RAI14: variants seen among roughly 807,000 people sequenced by gnomAD.
The protein encoded by RAI14 is ankycorbin.
In RAI14, 45 loss-of-function variants were observed where a neutral mutation model predicts 115.4. That is an observed-to-expected ratio of 0.39 (90% CI 0.31 to 0.50). The LOEUF (loss-of-function observed/expected upper bound fraction) is 0.50, where lower values mean the gene tolerates loss of function less well. Ranked by LOEUF, RAI14 falls within the 20% of genes least tolerant of loss-of-function variation. The pLI is 0.85. For synonymous variants in RAI14, 371 were observed against 415.4 expected (o/e 0.89, Z 1.30); for missense variants, 939 against 1,131.2 (o/e 0.83, Z 2.44).
chr5:34,787,366 A>C (rs1752420824), intron 3 of RAI14, among the ~76,000 whole-genome samples: 1 of 152,260 alleles, frequency 6.6e-6, no homozygotes, highest in South Asian at 2.1e-4. Flanking sequence ...CAGACAATGA[A>C]TAGATAAACA....
rs368766005 is a variant in RAI14 at position 34,824,437 on chromosome 5, A to T, written c.2595A>T (p.Glu865Asp). The change falls in exon 15 of 18, where the codon GAA (glutamate) becomes GAT (aspartate). Residue 865 changes from glutamate to aspartate, a missense_variant. Glu to Asp is a conservative substitution (Grantham distance 45). Transcript: ENST00000265109. The stretch of plus-strand genomic sequence containing the variant: ...AGCAAGCTCAGGAAGAACTTGCAGA[A>T]ATGAAAAGATACGCTGAGAGCTCTT... ...KFQQAQEELAEMKRYAESSSK... is the reference protein window; with the variant it reads ...KFQQAQEELADMKRYAESSSK... 1 of 1,604,212 alleles carries T rather than the reference A, an allele frequency of 6.2e-7. No homozygotes were observed. Among genetic ancestry groups the T allele is most frequent in the Non-Finnish European group, 8.5e-7 (1 of 1,173,448 alleles).
intron 2 of RAI14, among the ~76,000 whole-genome samples, chr5:34,739,510 G>C (rs1032967647): frequency 6.6e-6 from 1 of 152,184 alleles, no homozygotes; most frequent in African/African-American, 2.4e-5. Flanking sequence ...GAGGTGTCAA[G>C]ATGAAACTGT....
At chr5:34,790,069 C>T (rs1752742166) in intron 3 of RAI14, among the ~76,000 whole-genome samples, 1 of 152,222 alleles carries the variant, frequency 6.6e-6, no homozygotes, top group South Asian at 2.1e-4. Context: ...GAAGTTAAAA[C>T]ATTAAGACTT....
chr5:34,725,651 G>A (rs1321213874), intron 2 of RAI14, among the ~76,000 whole-genome samples: 6 of 151,868 alleles, frequency 4.0e-5, no homozygotes, highest in East Asian at 1.9e-4. Context: ...ATACGTCACC[G>A]ATAACCAAGT....
At chr5:34,770,398 A>G (rs1750000044) in intron 3 of RAI14, among the ~76,000 whole-genome samples, 1 of 152,252 alleles carries the variant, frequency 6.6e-6, no homozygotes, top group African/African-American at 2.4e-5. Flanking sequence ...CTAAAGATTT[A>G]CATGACCTAA....
intron 1 of RAI14, among the ~76,000 whole-genome samples, chr5:34,678,896 TAAC>T (rs1209343388): frequency 6.6e-6 from 1 of 152,200 alleles, no homozygotes; most frequent in African/African-American, 2.4e-5. Context: ...ACACAGAATC[TAAC>T]ACCACTTATT....
At chr5:34,768,729 C>T (rs561209802) in intron 3 of RAI14, among the ~76,000 whole-genome samples, 2 of 152,264 alleles carry the variant, frequency 1.3e-5, no homozygotes, top group South Asian at 4.2e-4. Flanking sequence ...TGATTCACAC[C>T]TGTAATCCCA....
chr5:34,821,767 G>T lies in RAI14; in HGVS notation c.1030G>T (p.Asp344Tyr). ...DSLLDISSEA[D>Y]QQDLLSLLQA... Reference sequence around the variant, plus strand: ...CTTATTGGATATAAGTTCTGAAGCTGACCAACAAGATCTTCTCTCTCTATT... The same window carrying T: ...CTTATTGGATATAAGTTCTGAAGCTTACCAACAAGATCTTCTCTCTCTATT... The change falls in exon 14 of 18, where the codon GAC (aspartate) becomes TAC (tyrosine). Residue 344 changes from aspartate (D) to tyrosine (Y), a missense_variant. By Grantham distance (160) the Asp-to-Tyr change is radical (BLOSUM62 -3). Coordinates refer to ENST00000265109, the MANE Select transcript of RAI14 (RefSeq NM_015577.3). The T allele has an allele frequency of 6.2e-7, 1 of 1,612,148 alleles. No homozygotes were observed. Among genetic ancestry groups the T allele is most frequent in the South Asian group, 1.1e-5 (1 of 90,990 alleles).
intron 3 of RAI14, among the ~76,000 whole-genome samples, chr5:34,766,948 G>A (rs143575832): frequency 5.9e-4 from 90 of 152,200 alleles, no homozygotes; most frequent in African/African-American, 2.1e-3. Context: ...AGATCTGATG[G>A]TTTTAGTAGG....
chr5:34,670,501 A>C (rs2029900), intron 1 of RAI14, among the ~76,000 whole-genome samples: 7,311 of 152,314 alleles, frequency 0.048, 382 homozygotes, highest in African/African-American at 0.13. Context: ...GTAATCTTTA[A>C]GGATAGCTAT....
intron 1 of RAI14, chr5:34,658,915 A>G (rs898474052): frequency 6.6e-6 from 1 of 152,076 alleles, no homozygotes; most frequent in African/African-American, 2.4e-5. Flanking sequence ...TTCATATTTG[A>G]TCCATACCTC....
chr5:34,826,631 G>A, intron 16 of RAI14, 152 bp downstream of exon 16: 1 of 1,004,060 alleles, frequency 1.0e-6, no homozygotes, highest in East Asian at 2.7e-5. Context: ...TCTTCAGTGA[G>A]GGCAAAAGAG....
chr5:34,688,306 C>G (rs930408105), intron 2 of RAI14: 1 of 1,443,984 alleles, frequency 6.9e-7, no homozygotes, highest in Non-Finnish European at 9.5e-7. Context: ...AATTTTGTGA[C>G]CAGGTTAACA....
intron 3 of RAI14, among the ~76,000 whole-genome samples, chr5:34,786,790 G>A (rs970501061): frequency 6.6e-6 from 1 of 152,186 alleles, no homozygotes; most frequent in African/African-American, 2.4e-5. Flanking sequence ...AGCAGTGCTA[G>A]AGGACTTAAA....
intron 16 of RAI14, among the ~76,000 whole-genome samples, chr5:34,828,766 T>C (rs1034043218): frequency 2.0e-5 from 3 of 151,944 alleles, no homozygotes; most frequent in Admixed American, 6.6e-5. Flanking sequence ...CAAGGAGAAA[T>C]AGAAGCATCA....
chr5:34,828,490 G>A (rs11745175), intron 16 of RAI14, among the ~76,000 whole-genome samples: 64,336 of 146,186 alleles, frequency 0.44, 15,541 homozygotes, highest in South Asian at 0.62. Context: ...GAACAACACA[G>A]AGAAATGCCA....
intron 3 of RAI14, among the ~76,000 whole-genome samples, chr5:34,761,070 C>T (rs1288817458): frequency 1.3e-5 from 2 of 152,254 alleles, no homozygotes; most frequent in Non-Finnish European, 2.9e-5. Flanking sequence ...GTCAGTACTT[C>T]ATTCTATTCT....
At chr5:34,667,619 G>T (rs139846443) in intron 1 of RAI14, among the ~76,000 whole-genome samples, 2 of 151,926 alleles carry the variant, frequency 1.3e-5, no homozygotes, top group Non-Finnish European at 2.9e-5. Context: ...AGCCAATAAC[G>T]GTATATTTAC....
intron 3 of RAI14, among the ~76,000 whole-genome samples, chr5:34,786,567 A>G (rs556228072): frequency 6.6e-6 from 1 of 152,324 alleles, no homozygotes; most frequent in South Asian, 2.1e-4. Context: ...CCAAGGTGGA[A>G]CGAACCAGAG....
Sources: gnomAD v4.1 joint callset for allele counts (sites outside exome capture counted in the v4.1 genomes callset) on GRCh38, gnomAD v4.1.1 for gene constraint, MANE v1.5 for transcripts, NCBI Gene and HGNC (gene_info 2026-07-23, HGNC 2026-07-21) for gene names.